Variants in EXT2 observed in about 807,000 individuals in gnomAD.
EXT2 encodes exostosin glycosyltransferase 2, also known as exostosin-2.
Under a neutral mutation model 81.6 loss-of-function variants are expected in EXT2, and 53 were observed. That is an observed-to-expected ratio of 0.65 (90% CI 0.52 to 0.82). EXT2 has a LOEUF of 0.82. EXT2 is among the 40% of genes least tolerant of loss of function. The pLI is 0.00. For synonymous variants in EXT2, 320 were observed against 340.0 expected (o/e 0.94, Z 0.65); for missense variants, 774 against 910.2 (o/e 0.85, Z 1.93).
At chr11:44,198,190 C>T in intron 9 of EXT2, 172 bp downstream of exon 9, 1 of 698,346 alleles carries the variant, frequency 1.4e-6, no homozygotes, top group Non-Finnish European at 2.5e-6. Flanking sequence ...GCCCATTTAA[C>T]TCCAAGCCCT....
At chr11:44,241,668 C>T (rs1170529830) in intron 13 of EXT2, among the ~76,000 whole-genome samples, 1 of 152,116 alleles carries the variant, frequency 6.6e-6, no homozygotes, top group Non-Finnish European at 1.5e-5. Flanking sequence ...TCCCCAGACA[C>T]CTTCATCACT....
chr11:44,212,968 G>C (rs1428450454), intron 10 of EXT2, among the ~76,000 whole-genome samples: 1 of 151,978 alleles, frequency 6.6e-6, no homozygotes, highest in Non-Finnish European at 1.5e-5. Flanking sequence ...TGATATGGTG[G>C]TGGTTATATC....
At chr11:44,098,680 G>A (rs1168943434) in intron 1 of EXT2, among the ~76,000 whole-genome samples, 1 of 141,088 alleles carries the variant, frequency 7.1e-6, no homozygotes, top group Non-Finnish European at 1.5e-5. Context: ...GGGCAACAGA[G>A]AGAGATTCTG....
chr11:44,206,684 G>A lies in EXT2; in HGVS notation c.1496-109G>A, dbSNP rs114748639. 1,122 of 1,151,228 alleles carry A rather than the reference G, an allele frequency of 9.7e-4. 10 individuals carry two copies. The African/African-American group carries it at 0.015, about 16-fold the overall frequency. 71.3% of individuals were successfully genotyped at this position (1,151,228 alleles called of 1,614,324 possible). A position where few individuals can be genotyped will look rare whatever the true frequency, so the allele number is the denominator to read the frequency against. On this transcript the variant is annotated intron_variant, in intron 9 of 13. Transcript: ENST00000533608. Reference sequence around the variant, plus strand: ...AGTTCTACCTTTGGATTTGATGAGAGCCGTGGATACAAGCTGATTCTCCCA... The same window carrying A: ...AGTTCTACCTTTGGATTTGATGAGAACCGTGGATACAAGCTGATTCTCCCA...
chr11:44,104,388 A>G (rs1177562442), intron 1 of EXT2, among the ~76,000 whole-genome samples: 1 of 152,336 alleles, frequency 6.6e-6, no homozygotes, highest in East Asian at 1.9e-4. Flanking sequence ...ACAATATAAC[A>G]TATATTTCTT....
At chr11:44,201,302 T>G (rs778504533) in intron 9 of EXT2, among the ~76,000 whole-genome samples, 2 of 152,188 alleles carry the variant, frequency 1.3e-5, no homozygotes, top group Admixed American at 6.5e-5. Context: ...CCTCTTCATG[T>G]TATCAGTAGA....
chr11:44,240,359 C>T (rs184957862), intron 13 of EXT2, among the ~76,000 whole-genome samples: 2 of 152,284 alleles, frequency 1.3e-5, no homozygotes, highest in East Asian at 3.9e-4. Context: ...AACAGGCAGG[C>T]TGGAGAAGGT....
intron 8 of EXT2, among the ~76,000 whole-genome samples, chr11:44,195,144 G>A (rs1006554188): frequency 5.3e-5 from 8 of 152,082 alleles, no homozygotes; most frequent in Non-Finnish European, 1.5e-5. Context: ...TGAAAAGATG[G>A]CCTTTCCTGG....
chr11:44,101,088 C>T (rs1204570895), intron 1 of EXT2, among the ~76,000 whole-genome samples: 1 of 151,912 alleles, frequency 6.6e-6, no homozygotes, highest in Non-Finnish European at 1.5e-5. Flanking sequence ...CCAGCAGAAA[C>T]TGAGGAAACA....
intron 7 of EXT2, among the ~76,000 whole-genome samples, chr11:44,164,553 A>G (rs576799994): frequency 3.5e-4 from 54 of 152,364 alleles, no homozygotes; most frequent in Non-Finnish European, 7.2e-4. Flanking sequence ...TAATTTATGT[A>G]TAAACTGAGA....
intron 7 of EXT2, among the ~76,000 whole-genome samples, chr11:44,153,588 G>A (rs572800388): frequency 1.3e-5 from 2 of 152,008 alleles, no homozygotes; most frequent in African/African-American, 4.8e-5. Flanking sequence ...TCTTTGCCTT[G>A]TTGCTGGTCT....
At chr11:44,202,407 A>G (rs1235705190) in intron 9 of EXT2, among the ~76,000 whole-genome samples, 1 of 152,226 alleles carries the variant, frequency 6.6e-6, no homozygotes, top group Non-Finnish European at 1.5e-5. Flanking sequence ...TTCTCTACAT[A>G]GTGGAAAGAG....
chr11:44,176,331 G>A (rs1955158026), intron 8 of EXT2, among the ~76,000 whole-genome samples: 1 of 152,086 alleles, frequency 6.6e-6, no homozygotes, highest in Non-Finnish European at 1.5e-5. Context: ...AATAGAATAT[G>A]AAATTTTGCA....
At chr11:44,238,691 TA>T (rs1298046260) in intron 13 of EXT2, among the ~76,000 whole-genome samples, 1 of 152,184 alleles carries the variant, frequency 6.6e-6, no homozygotes. Context: ...AATAACTTTC[TA>T]AAAGAGGTGA....
At chr11:44,209,539 T>G (rs1372951364) in intron 10 of EXT2, among the ~76,000 whole-genome samples, 1 of 152,198 alleles carries the variant, frequency 6.6e-6, no homozygotes, top group Non-Finnish European at 1.5e-5. Flanking sequence ...TAAATCCTGC[T>G]TTTTATCCCA....
intron 8 of EXT2, among the ~76,000 whole-genome samples, chr11:44,185,998 T>C (rs1044205391): frequency 2.0e-5 from 3 of 152,246 alleles, no homozygotes; most frequent in Admixed American, 2.0e-4. Flanking sequence ...TTGGACACTT[T>C]GTCTTTGGTT....
intron 4 of EXT2, among the ~76,000 whole-genome samples, chr11:44,123,145 T>C (rs1954343352): frequency 6.6e-6 from 1 of 152,216 alleles, no homozygotes; most frequent in South Asian, 2.1e-4. Flanking sequence ...CATTGCTTTA[T>C]GTGATTTGGA....
rs1451803458 is a variant in EXT2, at chr11:44,107,659, C to T, written c.-30-24C>T. 2.5e-6 allele frequency: 4 copies of T among 1,588,300 alleles called. No individual in the cohort carries two copies. In the Admixed American group the frequency reaches 5.3e-5, roughly 21 times the overall value. ...TTGCCATCCTAAATACTTGGTTTTTCTTATTTCTCTCCCTGGTGACCAGGA... is the reference window on the plus strand; with the variant it reads ...TTGCCATCCTAAATACTTGGTTTTTTTTATTTCTCTCCCTGGTGACCAGGA... On this transcript the variant is annotated intron_variant, in intron 1 of 13. Transcript: ENST00000533608.
chr11:44,119,120 C>A (rs1270984743), intron 4 of EXT2, among the ~76,000 whole-genome samples: 3 of 28,802 alleles, frequency 1.0e-4, no homozygotes, highest in South Asian at 1.4e-3. Context: ...GGACATTTGG[C>A]TATTTATATA....
Sources: allele counts gnomAD v4.1 joint callset (sites outside exome capture counted in the v4.1 genomes callset), GRCh38; gene constraint gnomAD v4.1.1; transcripts MANE v1.5; gene names NCBI Gene and HGNC (gene_info 2026-07-23, HGNC 2026-07-21).